The following EHD4 variants were observed in gnomAD, a reference collection of about 807,000 sequenced individuals.
The protein encoded by EHD4 is EH domain-containing protein 4.
A neutral mutation model predicts 51.0 loss-of-function variants in EHD4; 37 were observed. The ratio of observed to expected loss-of-function variants is 0.73; its 90% CI spans 0.56 to 0.95. The LOEUF (loss-of-function observed/expected upper bound fraction) is 0.95. Ranked by LOEUF, EHD4 falls within the 40% of genes least tolerant of loss-of-function variation. The pLI is 0.00. For missense variants in EHD4, 632 were observed against 733.1 expected, an observed-to-expected ratio of 0.86 and a Z score of 1.59; for synonymous variants, 297 against 317.3, an observed-to-expected ratio of 0.94 and a Z score of 0.68.
chr15:41,944,334 G>T (rs2067797109), intron 2 of EHD4, among the ~76,000 whole-genome samples: 1 of 152,226 alleles, frequency 6.6e-6, no homozygotes, highest in South Asian at 2.1e-4. Context: ...GAGGCACTGT[G>T]CATGTTTAAG....
At chr15:41,947,449 C>T (rs777169554) in intron 2 of EHD4, among the ~76,000 whole-genome samples, 1 of 152,178 alleles carries the variant, frequency 6.6e-6, no homozygotes, top group Non-Finnish European at 1.5e-5. Context: ...TCCAGGTTTG[C>T]CATTAGGTTC....
In EHD4 at chr15:41,952,994, C is replaced by G. The variant is rs78326214; in HGVS notation, c.413+770G>C. Among the ~76,000 whole-genome samples the G allele has an allele frequency of 8.7e-5, 9 of 102,942 alleles. No individual in the cohort carries two copies. In the South Asian group the frequency reaches 2.7e-3, roughly 31 times the overall value. 67.5% of individuals were successfully genotyped at this position (102,942 alleles called of 152,430 possible). ...GACAGAATGAGACTCTATCTTCCCC[C>G]CCGCAAAAAAAAAAAAAAAAAAAAA... On this transcript the variant is annotated intron_variant, in intron 2 of 5. Transcript: ENST00000220325.
Position 41,972,126 on chromosome 15 carries a change from G to C in EHD4, c.236+133C>G, listed in dbSNP as rs2068000657. On this transcript the variant is annotated intron_variant, in intron 1 of 5. Coordinates refer to ENST00000220325, the MANE Select transcript of EHD4 (RefSeq NM_139265.4). Reference sequence around the variant, plus strand: ...CAGCCGGGGCGGGGCCGAGGGCACCGGGCGCCGAGCTCCGGGAGGGGTCCC... The same window carrying C: ...CAGCCGGGGCGGGGCCGAGGGCACCCGGCGCCGAGCTCCGGGAGGGGTCCC... The C allele has an allele frequency of 4.4e-6, 4 of 916,554 alleles. No homozygotes were observed. The Admixed American group carries it at 2.0e-4, about 45-fold the overall frequency. 56.8% of individuals were successfully genotyped at this position (916,554 alleles called of 1,614,324 possible).
In EHD4 at chr15:41,897,520, C is replaced by CG. The variant is rs1353518377; in HGVS notation, c.*3124dup. The CG allele has an allele frequency of 6.6e-6, 1 of 152,314 alleles. No homozygotes were observed. The highest frequency in any genetic ancestry group is 1.5e-5 in the Non-Finnish European group (1 of 68,100). The allele number at this position is 152,314 out of a possible 1,614,324, so 9.4% of individuals were successfully genotyped here. A position where few individuals can be genotyped will look rare whatever the true frequency, so the allele number is the denominator to read the frequency against. ...ACCCTGCCCCCAGGCCATCCAAGTG[C>CG]GGTGAGTTGAGAAATGAATTGACAG... On this transcript the variant is annotated 3_prime_UTR_variant, in exon 6 of 6. Transcript: ENST00000220325.
intron 2 of EHD4, 33 bp downstream of exon 2, chr15:41,953,731 C>A (rs757030643): frequency 1.3e-6 from 2 of 1,560,522 alleles, no homozygotes; most frequent in South Asian, 1.2e-5. Flanking sequence ...GTTTAAACAG[C>A]CTGACCGAAG....
At chr15:41,953,648 CT>C (rs1324691170) in intron 2 of EHD4, 115 bp downstream of exon 2, 10 of 1,152,590 alleles carry the variant, frequency 8.7e-6, no homozygotes, top group Non-Finnish European at 1.2e-5. Flanking sequence ...TTTTGTATGA[CT>C]TCTAGAGCAG....
chr15:41,952,998 C>CGAAA (rs1491513608), intron 2 of EHD4, among the ~76,000 whole-genome samples: 1 of 69,090 alleles, frequency 1.4e-5, no homozygotes, highest in Non-Finnish European at 2.6e-5. Context: ...TTCCCCCCCG[C>CGAAA]AAAAAAAAAA....
At position 41,957,067 on chromosome 15, in the gene EHD4, G is replaced by A. The variant is rs1176006754; in HGVS notation, c.237-3127C>T. Among the ~76,000 whole-genome samples the A allele has an allele frequency of 2.6e-5, 4 of 152,140 alleles. No individual in the cohort carries two copies. In the East Asian group the frequency reaches 5.8e-4, roughly 22 times the overall value. ...GGGGTCTTGCTGGGAGCGGTGGCTCGTGCCTGTAATTCCAGCATTTTGGGA... is the reference window on the plus strand; with the variant it reads ...GGGGTCTTGCTGGGAGCGGTGGCTCATGCCTGTAATTCCAGCATTTTGGGA... On this transcript the variant is annotated intron_variant, in intron 1 of 5. Transcript: ENST00000220325.
At chr15:41,959,691 G>C (rs2067912477) in intron 1 of EHD4, among the ~76,000 whole-genome samples, 1 of 152,102 alleles carries the variant, frequency 6.6e-6, no homozygotes, top group Non-Finnish European at 1.5e-5. Context: ...TTTCTGGCCG[G>C]GCACGGTGGC....
chr15:41,909,823 G>C lies in EHD4; in HGVS notation c.965C>G (p.Pro322Arg). Residue 322 changes from proline (P) to arginine (R), a missense_variant, in exon 5 of 6, where the codon CCA becomes CGA. By Grantham distance (103) the Pro-to-Arg change is moderately radical. Coordinates refer to ENST00000220325, the MANE Select transcript of EHD4 (RefSeq NM_139265.4). ...YIISYLKKEM[P>R]SVFGKENKKR... The stretch of plus-strand genomic sequence containing the variant: ...CTTGTTTTCCTTTCCAAATACACTT[G>C]GCATCTCCTTCTTCAGGTAGCTGAT... 2 of 1,614,124 alleles carry C rather than the reference G, an allele frequency of 1.2e-6. No homozygotes were observed. Among genetic ancestry groups the C allele is most frequent in the Non-Finnish European group, 8.5e-7 (1 of 1,180,034 alleles).
At chr15:41,916,238 A>C (rs1202350606) in intron 4 of EHD4, among the ~76,000 whole-genome samples, 1 of 152,246 alleles carries the variant, frequency 6.6e-6, no homozygotes, top group Non-Finnish European at 1.5e-5. Flanking sequence ...AGATCAGTGC[A>C]GAAAACAAGG....
chr15:41,964,772 A>ATAT (rs1555383542), intron 1 of EHD4, among the ~76,000 whole-genome samples: 17 of 143,480 alleles, frequency 1.2e-4, no homozygotes, highest in South Asian at 4.4e-4. Context: ...AAAAAAAAAA[A>ATAT]ATATATATAT....
rs201474738 is a variant in EHD4 at position 41,900,983 on chromosome 15, C to T, written c.1288G>A (p.Gly430Arg). The T allele has an allele frequency of 1.3e-5, 21 of 1,609,970 alleles. No individual in the cohort carries two copies. Among genetic ancestry groups the T allele is most frequent in the Non-Finnish European group, 1.6e-5 (19 of 1,176,784 alleles). ...TTEGPFNQGY[G>R]EGAKEGADEE... ...TCGGCGCCCTCCTTGGCACCCTCCC[C>T]GTAGCCCTGGTTGAAGGGGCCCTCG... Residue 430 changes from glycine to arginine, a missense_variant, in exon 6 of 6, where the codon GGG becomes AGG. Transcript: ENST00000220325. This position sits in a 1 kb window ranked among gnomAD's most constrained non-coding sequence, Gnocchi z 4.8.
At position 41,900,772 on chromosome 15, in the gene EHD4, T is replaced by C. The variant is rs934707859; in HGVS notation, c.1499A>G (p.Asp500Gly). Residue 500 changes from aspartate (D) to glycine (G), a missense_variant, in exon 6 of 6, where the codon GAT becomes GGT. Physicochemically the swap from Asp to Gly is moderately conservative, Grantham distance 94. Coordinates refer to ENST00000220325, the MANE Select transcript of EHD4 (RefSeq NM_139265.4). The surrounding 1 kb of genome is among the most constrained non-coding windows in gnomAD (Gnocchi z 4.8). ...LADCDCDGMLDEEEFALAKHL... is the reference protein window; with the variant it reads ...LADCDCDGMLGEEEFALAKHL... ...CTTGGCCAGCGCGAACTCCTCCTCATCAAGCATGCCGTCGCAGTCGCAGTC... is the reference window on the plus strand; with the variant it reads ...CTTGGCCAGCGCGAACTCCTCCTCACCAAGCATGCCGTCGCAGTCGCAGTC... The C allele has an allele frequency of 1.2e-6, 2 of 1,614,120 alleles. No individual in the cohort carries two copies. The highest frequency in any genetic ancestry group is 1.7e-5 in the Admixed American group (1 of 60,030).
intron 3 of EHD4, among the ~76,000 whole-genome samples, chr15:41,939,872 C>T (rs1044763056): frequency 4.0e-5 from 6 of 151,412 alleles, no homozygotes; most frequent in South Asian, 2.1e-4. Context: ...AGTTTCCATA[C>T]GGAGTAGTAT....
chr15:41,919,161 C>T, intron 4 of EHD4, 49 bp downstream of exon 4: 2 of 1,608,054 alleles, frequency 1.2e-6, no homozygotes, highest in African/African-American at 1.3e-5. Flanking sequence ...GGAGAGGAGA[C>T]AGCAGAGTCC....
chr15:41,916,504 C>T (rs775163417), intron 4 of EHD4, among the ~76,000 whole-genome samples: 42 of 152,202 alleles, frequency 2.8e-4, no homozygotes, highest in Admixed American at 6.5e-4. Flanking sequence ...AGCTTTGGAA[C>T]AGTTGGTGTG....
intron 1 of EHD4, among the ~76,000 whole-genome samples, chr15:41,970,055 G>A (rs988903926): frequency 2.0e-5 from 3 of 152,112 alleles, no homozygotes; most frequent in African/African-American, 4.8e-5. Context: ...CAACCCTTCC[G>A]CTCAAGATGA....
At chr15:41,907,870 G>GTA (rs66791242) in intron 5 of EHD4, among the ~76,000 whole-genome samples, 375 of 107,754 alleles carry the variant, frequency 3.5e-3, no homozygotes, top group Non-Finnish European at 5.7e-3. Context: ...GTGTGTGTGT[G>GTA]TATATATTTA....
Sources: gnomAD v4.1 joint callset for allele counts (sites outside exome capture counted in the v4.1 genomes callset) on GRCh38, gnomAD v4.1.1 for gene constraint, Gnocchi (gnomAD v3.1) non-coding constraint, MANE v1.5 for transcripts, NCBI Gene and HGNC (gene_info 2026-07-23, HGNC 2026-07-21) for gene names.